RIMS2: variants seen among roughly 807,000 people sequenced by gnomAD.
RIMS2 encodes the protein regulating synaptic membrane exocytosis protein 2.
RIMS2 carries 59 observed loss-of-function variants against 174.4 expected under a neutral mutation model. That is an observed-to-expected ratio of 0.34 (90% CI 0.27 to 0.42). The LOEUF is 0.42. Ranked by LOEUF, RIMS2 falls within the 10% of genes least tolerant of loss-of-function variation. RIMS2 has a pLI of 1.00. For synonymous variants in RIMS2, 606 were observed against 572.5 expected, an observed-to-expected ratio of 1.06 and a Z score of -0.84; for missense variants, 1,620 against 1,666.3, an observed-to-expected ratio of 0.97 and a Z score of 0.48.
At chr8:104,146,312 G>A (rs1240398437) in intron 19 of RIMS2, among the ~76,000 whole-genome samples, 3 of 151,688 alleles carry the variant, frequency 2.0e-5, no homozygotes, top group African/African-American at 4.8e-5. Context: ...CCAGGGGTTC[G>A]AGGTTACGAT....
chr8:103,752,363 A>G (rs993832919), intron 2 of RIMS2, among the ~76,000 whole-genome samples: 5 of 152,112 alleles, frequency 3.3e-5, no homozygotes, highest in African/African-American at 4.8e-5. Flanking sequence ...GCCTTCTAGT[A>G]TAGTTAGAAG....
In RIMS2 at chr8:103,660,131, C is replaced by T. The variant is rs879210395; in HGVS notation, c.177-36955C>T. Among the ~76,000 whole-genome samples, 3 of 152,194 alleles carry T rather than the reference C, an allele frequency of 2.0e-5. No individual in the cohort carries two copies. In the South Asian group the frequency reaches 6.2e-4, roughly 31 times the overall value. ...GTGAGCTCTCTGAAGAGCAGGTCTT[C>T]CACGTCAATTACCTGGATGTTGAGG... On this transcript the variant is annotated intron_variant, in intron 1 of 23. Coordinates refer to ENST00000504942, the Ensembl canonical transcript of RIMS2.
At chr8:104,178,346 A>G (rs1340638749) in intron 19 of RIMS2, among the ~76,000 whole-genome samples, 1 of 152,122 alleles carries the variant, frequency 6.6e-6, no homozygotes, top group Non-Finnish European at 1.5e-5. Flanking sequence ...GCTGGCCTGC[A>G]TTACTTGGCT....
chr8:104,251,293 G>A (rs992228062), intron 23 of RIMS2, 130 bp downstream of exon 29: 6 of 804,506 alleles, frequency 7.5e-6, no homozygotes, highest in Non-Finnish European at 7.8e-6. Context: ...ACTTTTCAAA[G>A]CAGTGGCCCG....
intron 1 of RIMS2, among the ~76,000 whole-genome samples, chr8:103,514,022 A>G (rs923982770): frequency 2.0e-5 from 2 of 101,598 alleles, no homozygotes; most frequent in Non-Finnish European, 3.9e-5. Flanking sequence ...TGCCAGCTAC[A>G]TGCAGCCTTT....
chr8:103,554,088 CT>C (rs1849314981), intron 1 of RIMS2, among the ~76,000 whole-genome samples: 1 of 152,054 alleles, frequency 6.6e-6, no homozygotes, highest in Admixed American at 6.6e-5. Context: ...ACCTGAAACT[CT>C]AAATATCCTG....
At chr8:103,801,477 A>G (rs2098607595) in intron 3 of RIMS2, among the ~76,000 whole-genome samples, 1 of 152,200 alleles carries the variant, frequency 6.6e-6, no homozygotes, top group African/African-American at 2.4e-5. Context: ...AAAATATTAG[A>G]GGCAGAATAG....
intron 4 of RIMS2, 37 bp downstream of exon 7, chr8:103,886,260 T>C (rs945301140): frequency 1.3e-6 from 2 of 1,531,574 alleles, no homozygotes; most frequent in Admixed American, 2.0e-5. Flanking sequence ...TGTAATTGAT[T>C]AGATAAGCGT....
intron 19 of RIMS2, among the ~76,000 whole-genome samples, chr8:104,185,471 G>A (rs947569600): frequency 4.6e-5 from 7 of 151,654 alleles, no homozygotes; most frequent in South Asian, 2.1e-4. Context: ...GACAAGAGGC[G>A]CTAATGCAAA....
intron 1 of RIMS2, among the ~76,000 whole-genome samples, chr8:103,611,185 A>G (rs2095355733): frequency 6.6e-6 from 1 of 151,938 alleles, no homozygotes; most frequent in Non-Finnish European, 1.5e-5. Flanking sequence ...GTTAGTGGTC[A>G]TTTACCCTTT....
chr8:103,640,237 G>A (rs529712772), intron 1 of RIMS2, among the ~76,000 whole-genome samples: 1 of 151,740 alleles, frequency 6.6e-6, no homozygotes, highest in Non-Finnish European at 1.5e-5. Flanking sequence ...GTGATGGACT[G>A]TCTTTCATTT....
chr8:104,035,365 T>C, intron 19 of RIMS2, among the ~76,000 whole-genome samples: 1 of 152,062 alleles, frequency 6.6e-6, no homozygotes, highest in East Asian at 1.9e-4. Flanking sequence ...GTTTTACAAC[T>C]TACTATAATA....
chr8:104,000,187 C>A (rs1185018565), intron 17 of RIMS2, among the ~76,000 whole-genome samples: 2 of 151,024 alleles, frequency 1.3e-5, no homozygotes, highest in African/African-American at 2.4e-5. Context: ...ATTAACCAAC[C>A]CCTCTTCATC....
intron 3 of RIMS2, among the ~76,000 whole-genome samples, chr8:103,804,418 C>T (rs1165023491): frequency 6.6e-6 from 1 of 152,202 alleles, no homozygotes; most frequent in Non-Finnish European, 1.5e-5. Context: ...TCCGTAGTCT[C>T]CTCCTCTACC....
intron 19 of RIMS2, among the ~76,000 whole-genome samples, chr8:104,111,564 C>T (rs945288168): frequency 5.3e-5 from 8 of 152,130 alleles, no homozygotes; most frequent in Admixed American, 1.3e-4. Flanking sequence ...CCTGCCACCA[C>T]GTCCGGCTAC....
intron 1 of RIMS2, among the ~76,000 whole-genome samples, chr8:103,557,272 C>G (rs35957401): frequency 6.6e-6 from 1 of 151,966 alleles, no homozygotes; most frequent in Non-Finnish European, 1.5e-5. Flanking sequence ...GATAGAACTA[C>G]CTTATCTTAA....
intron 3 of RIMS2, among the ~76,000 whole-genome samples, chr8:103,850,860 A>T (rs2098994091): frequency 6.6e-6 from 1 of 152,036 alleles, no homozygotes; most frequent in Non-Finnish European, 1.5e-5. Flanking sequence ...TCCAGTACTC[A>T]CTACTGGATA....
intron 19 of RIMS2, among the ~76,000 whole-genome samples, chr8:104,154,451 A>T (rs538463616): frequency 2.6e-5 from 4 of 152,330 alleles, no homozygotes; most frequent in Admixed American, 2.0e-4. Context: ...ATTCCTTTAC[A>T]TTTTTAATTA....
At chr8:103,736,310 G>T (rs1396411020) in intron 2 of RIMS2, among the ~76,000 whole-genome samples, 2 of 152,124 alleles carry the variant, frequency 1.3e-5, no homozygotes, top group African/African-American at 4.8e-5. Context: ...ATGTATAATA[G>T]AAGTTTTTGA....
Sources: allele counts gnomAD v4.1 joint callset (sites outside exome capture counted in the v4.1 genomes callset), GRCh38; gene constraint gnomAD v4.1.1; transcripts MANE v1.5; gene names NCBI Gene and HGNC (gene_info 2026-07-23, HGNC 2026-07-21).